The following XYLB variants were observed in gnomAD, a reference collection of about 807,000 sequenced individuals.
XYLB encodes xylulokinase.
Under a neutral mutation model 78.7 loss-of-function variants are expected in XYLB, and 62 were observed. That is an observed-to-expected ratio of 0.79 (90% CI 0.64 to 0.97). XYLB has a LOEUF of 0.97. Among genes scored for constraint, XYLB ranks in the 50% least tolerant of loss-of-function variants. The pLI is 0.00. For synonymous variants in XYLB, 245 were observed against 247.4 expected (o/e 0.99, Z 0.09); for missense variants, 687 against 676.8 (o/e 1.02, Z -0.17).
downstream of XYLB, among the ~76,000 whole-genome samples, chr3:38,421,752 T>C (rs1708985838): frequency 6.6e-6 from 1 of 152,114 alleles, no homozygotes; most frequent in African/African-American, 2.4e-5. Flanking sequence ...CAGAGCAAGT[T>C]TGCTTGCCAG....
At position 38,400,966 on chromosome 3, in the gene XYLB, C is replaced by A; in HGVS notation, c.1514C>A (p.Pro505Gln). ...LAPNPRLAAT[P>Q]SPGASQVYEA... ...CCAAATCCCAGACTAGCTGCTACCC[C>A]AAGCCCGGGAGCTTCTCAGGTGAGA... Residue 505 changes from proline to glutamine, a missense_variant, in exon 18 of 19, where the codon CCA becomes CAA. By Grantham distance (76) the Pro-to-Gln change is moderately conservative. Coordinates refer to ENST00000207870, the MANE Select transcript of XYLB (RefSeq NM_005108.4). The A allele has an allele frequency of 6.2e-7, 1 of 1,614,184 alleles. No homozygotes were observed. Among genetic ancestry groups the A allele is most frequent in the Non-Finnish European group, 8.5e-7 (1 of 1,180,022 alleles).
intron 4 of XYLB, among the ~76,000 whole-genome samples, chr3:38,363,951 A>G (rs1046501537): frequency 6.6e-6 from 1 of 152,176 alleles, no homozygotes; most frequent in Non-Finnish European, 1.5e-5. Flanking sequence ...ATGACCTAAC[A>G]GGAATTTATT....
chr3:38,415,971 G>A (rs1708778630), downstream of XYLB, among the ~76,000 whole-genome samples: 1 of 152,038 alleles, frequency 6.6e-6, no homozygotes, highest in South Asian at 2.1e-4. Context: ...GAGCAAGCAG[G>A]GAAAACTGTC....
chr3:38,408,021 G>T (rs1708402296), intron 18 of XYLB, among the ~76,000 whole-genome samples: 1 of 151,998 alleles, frequency 6.6e-6, no homozygotes, highest in African/African-American at 2.4e-5. Context: ...ACTCAGCTCT[G>T]CACCAAGCGG....
At chr3:38,404,123 C>T (rs1708222471) in intron 18 of XYLB, among the ~76,000 whole-genome samples, 1 of 152,188 alleles carries the variant, frequency 6.6e-6, no homozygotes, top group South Asian at 2.1e-4. Flanking sequence ...GCAGTTTCTC[C>T]ATGAGGAGAA....
intron 18 of XYLB, among the ~76,000 whole-genome samples, chr3:38,403,171 G>A (rs980852581): frequency 9.2e-5 from 14 of 151,690 alleles, no homozygotes; most frequent in Admixed American, 4.6e-4. Flanking sequence ...GTATGTGCCT[G>A]TAATCCCAGC....
chr3:38,376,204 C>T lies in XYLB; in HGVS notation c.1092C>T (p.Ser364=). 6.2e-7 allele frequency: 1 copy of T among 1,613,924 alleles called. No individual in the cohort carries two copies. The highest frequency in any genetic ancestry group is 1.1e-5 in the South Asian group (1 of 91,076). The change falls in exon 13 of 19, where the codon TCC becomes TCT. Residue 364 remains serine (S), a synonymous_variant. Transcript: ENST00000207870. ...GCGATTTCTCTAAGGCACTGCAGTCCACAGAGATGGGCAACGGTGGAAACC... is the reference window on the plus strand; with the variant it reads ...GCGATTTCTCTAAGGCACTGCAGTCTACAGAGATGGGCAACGGTGGAAACC... ...SWSDFSKALQ[S]TEMGNGGNLG...
At chr3:38,406,101 C>G (rs1264200090) in intron 18 of XYLB, among the ~76,000 whole-genome samples, 1 of 152,218 alleles carries the variant, frequency 6.6e-6, no homozygotes, top group Non-Finnish European at 1.5e-5. Context: ...GTCCCTGACC[C>G]CTGACCCCCG....
At chr3:38,381,208 AT>A (rs1707127910) in intron 15 of XYLB, among the ~76,000 whole-genome samples, 1 of 152,288 alleles carries the variant, frequency 6.6e-6, no homozygotes, top group Non-Finnish European at 1.5e-5. Context: ...TACTTTTATA[AT>A]TTCTTACACC....
intron 2 of XYLB, among the ~76,000 whole-genome samples, chr3:38,357,752 A>G (rs769115822): frequency 2.7e-5 from 4 of 149,792 alleles, no homozygotes; most frequent in African/African-American, 7.4e-5. Flanking sequence ...GTGAAATGCA[A>G]TCTCACTGTG....
the XYLB span, among the ~76,000 whole-genome samples, chr3:38,440,432 T>A: frequency 1.3e-5 from 2 of 152,236 alleles, no homozygotes; most frequent in African/African-American, 4.8e-5. Context: ...CTAACTCTGC[T>A]TCTACAAGAG....
At chr3:38,426,774 C>T in the XYLB span, among the ~76,000 whole-genome samples, 11 of 152,206 alleles carry the variant, frequency 7.2e-5, no homozygotes, top group Non-Finnish European at 1.3e-4. Context: ...GTAGCAATCC[C>T]TAACCCTGTC....
At chr3:38,395,885 G>A (rs1018909162) in intron 16 of XYLB, among the ~76,000 whole-genome samples, 5 of 152,156 alleles carry the variant, frequency 3.3e-5, no homozygotes, top group African/African-American at 4.8e-5. Flanking sequence ...CTTCCTCAAG[G>A]CCTCTGCCTT....
chr3:38,408,822 C>A (rs1337754584), intron 18 of XYLB, among the ~76,000 whole-genome samples: 4 of 152,096 alleles, frequency 2.6e-5, no homozygotes, highest in African/African-American at 9.7e-5. Context: ...TACACCCTCC[C>A]AAGACTAAAC....
chr3:38,402,143 T>C (rs371555290), intron 18 of XYLB, among the ~76,000 whole-genome samples: 1 of 152,044 alleles, frequency 6.6e-6, no homozygotes, highest in African/African-American at 2.4e-5. Flanking sequence ...CACATAATAG[T>C]CTGTGATACA....
intron 18 of XYLB, among the ~76,000 whole-genome samples, chr3:38,406,032 G>A (rs930203180): frequency 6.6e-6 from 1 of 152,266 alleles, no homozygotes; most frequent in African/African-American, 2.4e-5. Flanking sequence ...GAAGAGAGCA[G>A]TGGTTCTCCC....
At chr3:38,346,966 C>T (rs140100060) in intron 1 of XYLB, 41 bp downstream of exon 1, 1 of 1,416,510 alleles carries the variant, frequency 7.1e-7, no homozygotes, top group Non-Finnish European at 9.3e-7. Context: ...CCGCCTCCTC[C>T]GCTTCGGTGG....
chr3:38,439,207 G>A, the XYLB span, among the ~76,000 whole-genome samples: 2 of 152,178 alleles, frequency 1.3e-5, no homozygotes, highest in African/African-American at 2.4e-5. Flanking sequence ...CCCTGCAGTG[G>A]TAGTGTCCTC....
chr3:38,392,845 C>A (rs997315222), intron 15 of XYLB, among the ~76,000 whole-genome samples: 2 of 152,110 alleles, frequency 1.3e-5, no homozygotes, highest in African/African-American at 4.8e-5. Context: ...AATTTTTCAT[C>A]TTCCATTTTA....
Sources: allele counts gnomAD v4.1 joint callset (sites outside exome capture counted in the v4.1 genomes callset), GRCh38; gene constraint gnomAD v4.1.1; transcripts MANE v1.5; gene names NCBI Gene and HGNC (gene_info 2026-07-23, HGNC 2026-07-21).